CRIPTO: variants seen among roughly 807,000 people sequenced by gnomAD.
CRIPTO encodes cripto, EGF-CFC family member, also known as protein Cripto.
the CRIPTO span, chr3:46,579,008 G>C: frequency 3.1e-5 from 44 of 1,426,038 alleles, no homozygotes; most frequent in African/African-American, 4.9e-4. Flanking sequence ...CTGTGGTCTT[G>C]TCCTTGTGAT....
At chr3:46,581,356 G>T in the CRIPTO span, 57 of 928,530 alleles carry the variant, frequency 6.1e-5, 1 homozygote, top group South Asian at 7.4e-4. Context: ...ATCATTTGTA[G>T]TTGCCTTAAA....
chr3:46,574,979 G>T, the CRIPTO span, among the ~76,000 whole-genome samples: 1 of 152,224 alleles, frequency 6.6e-6, no homozygotes, highest in African/African-American at 2.4e-5. Flanking sequence ...TCTGCTCTCA[G>T]TGCCTTTTGT....
At chr3:46,576,043 C>G in the CRIPTO span, among the ~76,000 whole-genome samples, 2 of 152,202 alleles carry the variant, frequency 1.3e-5, no homozygotes, top group East Asian at 1.9e-4. Context: ...AAAGGCCACA[C>G]AGGGAGGAGG....
the CRIPTO span, chr3:46,580,187 TA>T: frequency 7.7e-7 from 1 of 1,303,972 alleles, no homozygotes; most frequent in Middle Eastern, 1.8e-4. Context: ...GTTCTGCTTA[TA>T]AAAGCATCGC....
At chr3:46,574,664 G>A in the CRIPTO span, 1 of 152,150 alleles carries the variant, frequency 6.6e-6, no homozygotes, top group Non-Finnish European at 1.5e-5. Flanking sequence ...GCATTCTTTT[G>A]TTAACTCTTT....
At chr3:46,582,053 T>A in the CRIPTO span, 1 of 151,890 alleles carries the variant, frequency 6.6e-6, no homozygotes, top group African/African-American at 2.4e-5. Flanking sequence ...GGAGACTGGG[T>A]AGGAAAGAGG....
chr3:46,580,164 C>G, the CRIPTO span: 24 of 1,477,648 alleles, frequency 1.6e-5, no homozygotes, highest in African/African-American at 5.6e-5. Flanking sequence ...CTTGCTAGAG[C>G]CTGGCAGCCA....
At chr3:46,579,149 T>A in the CRIPTO span, 1 of 1,614,214 alleles carries the variant, frequency 6.2e-7, no homozygotes, top group Non-Finnish European at 8.5e-7. Flanking sequence ...TAGTTGCCGG[T>A]GAGAGACCTT....
At chr3:46,576,980 G>A in the CRIPTO span, among the ~76,000 whole-genome samples, 6 of 152,112 alleles carry the variant, frequency 3.9e-5, no homozygotes, top group Non-Finnish European at 7.4e-5. Context: ...CCGCCCTGTG[G>A]GAGCTGGGAG....
chr3:46,578,020 G>C, the CRIPTO span: 6 of 1,613,796 alleles, frequency 3.7e-6, no homozygotes, highest in African/African-American at 8.0e-5. Flanking sequence ...AGCTAATCTT[G>C]AATGTGAACT....
the CRIPTO span, chr3:46,574,616 C>T: frequency 1.3e-5 from 2 of 152,114 alleles, no homozygotes; most frequent in Admixed American, 1.3e-4. Context: ...TAAAAGAAGG[C>T]TTTTACCTTG....
the CRIPTO span, chr3:46,579,437 CTT>C: frequency 1.2e-6 from 2 of 1,612,142 alleles, no homozygotes; most frequent in South Asian, 1.1e-5. Context: ...TTCCAACACT[CTT>C]TCACCTAAAA....
At chr3:46,581,330 T>C in the CRIPTO span, 4 of 1,076,320 alleles carry the variant, frequency 3.7e-6, no homozygotes, top group South Asian at 2.5e-5. Context: ...TGCTACAATG[T>C]CCTAACTGAA....
chr3:46,576,568 A>G, the CRIPTO span, among the ~76,000 whole-genome samples: 1,430 of 151,404 alleles, frequency 9.4e-3, 19 homozygotes, highest in African/African-American at 0.033. Context: ...GCATTCACAC[A>G]GGTAGGCACT....
the CRIPTO span, chr3:46,580,027 C>T: frequency 8.1e-6 from 13 of 1,614,252 alleles, no homozygotes; most frequent in Middle Eastern, 1.7e-4. Context: ...CGGTCAGCTC[C>T]GCTGCTTTCC....
chr3:46,579,229 A>T, the CRIPTO span: 2 of 1,613,980 alleles, frequency 1.2e-6, no homozygotes, highest in African/African-American at 2.7e-5. Flanking sequence ...TTTTGTCGTT[A>T]AGGGCTGGGC....
chr3:46,575,112 AAC>A, the CRIPTO span, among the ~76,000 whole-genome samples: 6 of 152,182 alleles, frequency 3.9e-5, no homozygotes, highest in African/African-American at 1.4e-4. Flanking sequence ...GCCCAGTTTC[AAC>A]AGTGACCAAG....
At chr3:46,579,716 A>G in the CRIPTO span, 13 of 1,610,834 alleles carry the variant, frequency 8.1e-6, no homozygotes. Flanking sequence ...CTACACCCTC[A>G]GTCATCTGTT....
At chr3:46,576,144 A>C in the CRIPTO span, among the ~76,000 whole-genome samples, 56 of 152,158 alleles carry the variant, frequency 3.7e-4, no homozygotes, top group Non-Finnish European at 7.2e-4. Context: ...TCACTCCCCC[A>C]ATACAAATTA....
Sources: allele counts gnomAD v4.1 joint callset (sites outside exome capture counted in the v4.1 genomes callset), GRCh38; gene constraint gnomAD v4.1.1; transcripts MANE v1.5; gene names NCBI Gene and HGNC (gene_info 2026-07-23, HGNC 2026-07-21).